ADK: variants seen among roughly 807,000 people sequenced by gnomAD.
ADK encodes adenosine kinase.
Under a neutral mutation model 44.7 loss-of-function variants are expected in ADK, and 24 were observed. The observed-to-expected ratio is 0.54, with a 90% CI of 0.39 to 0.76. The LOEUF (loss-of-function observed/expected upper bound fraction) is 0.76. Among genes scored for constraint, ADK ranks in the 30% least tolerant of loss-of-function variants. The pLI, the probability that ADK is intolerant of heterozygous loss-of-function variation, is 0.00. For synonymous variants in ADK, 128 were observed against 142.6 expected, an observed-to-expected ratio of 0.90 and a Z score of 0.73; for missense variants, 321 against 425.1, an observed-to-expected ratio of 0.76 and a Z score of 2.15.
chr10:74,222,538 G>A (rs1302731736), intron 2 of ADK, among the ~76,000 whole-genome samples: 5 of 152,110 alleles, frequency 3.3e-5, no homozygotes, highest in African/African-American at 7.2e-5. Flanking sequence ...TATAAATCAT[G>A]CTGCTATAAA....
chr10:74,699,151 T>A (rs1464096850), intron 10 of ADK, among the ~76,000 whole-genome samples: 1 of 15,848 alleles, frequency 6.3e-5, no homozygotes, highest in Admixed American at 7.1e-4. Flanking sequence ...ACCTAGCCTT[T>A]TTTTTTTTTT....
intron 3 of ADK, among the ~76,000 whole-genome samples, chr10:74,288,425 G>T (rs979322721): frequency 6.6e-6 from 1 of 152,128 alleles, no homozygotes; most frequent in Admixed American, 6.6e-5. Context: ...TGAGGCAGGC[G>T]GATCAGCTGA....
intron 6 of ADK, among the ~76,000 whole-genome samples, chr10:74,438,230 CTCTT>C (rs1845253909): frequency 1.3e-5 from 2 of 148,154 alleles, no homozygotes; most frequent in Admixed American, 1.3e-4. Flanking sequence ...GCCTCTCTCT[CTCTT>C]TTTTTTTTTT....
At chr10:74,317,246 T>A (rs2131811428) in intron 4 of ADK, among the ~76,000 whole-genome samples, 1 of 152,348 alleles carries the variant, frequency 6.6e-6, no homozygotes, top group South Asian at 2.1e-4. Context: ...TGGTCTGAAC[T>A]TCTTCCTAAT....
chr10:74,215,740 A>G (rs1591868526), intron 2 of ADK, among the ~76,000 whole-genome samples: 2 of 137,162 alleles, frequency 1.5e-5, no homozygotes, highest in Admixed American at 1.6e-4. Context: ...ATCTCGGCTC[A>G]CTGCAAGCTC....
chr10:74,403,756 G>A (rs1047518490), intron 6 of ADK, among the ~76,000 whole-genome samples: 4 of 152,132 alleles, frequency 2.6e-5, no homozygotes, highest in Admixed American at 6.5e-5. Context: ...TCCACTGTCC[G>A]ACAAGCCCCA....
intron 4 of ADK, among the ~76,000 whole-genome samples, chr10:74,363,169 C>T (rs147018826): frequency 2.0e-5 from 3 of 152,326 alleles, no homozygotes; most frequent in Admixed American, 6.5e-5. Context: ...TCAGTATCTA[C>T]TATGGATATG....
At chr10:74,154,972 A>G (rs1475282718) in intron 1 of ADK, among the ~76,000 whole-genome samples, 1 of 152,226 alleles carries the variant, frequency 6.6e-6, no homozygotes, top group Non-Finnish European at 1.5e-5. Flanking sequence ...GAAACGTTGA[A>G]TCCTGAAAGC....
intron 4 of ADK, among the ~76,000 whole-genome samples, chr10:74,389,561 A>C (rs1843267155): frequency 6.6e-6 from 1 of 151,896 alleles, no homozygotes; most frequent in South Asian, 2.1e-4. Flanking sequence ...GCTTTGAAGC[A>C]GTTAACGTGG....
At chr10:74,216,591 G>T (rs1043425006) in intron 2 of ADK, among the ~76,000 whole-genome samples, 3 of 151,824 alleles carry the variant, frequency 2.0e-5, no homozygotes, top group Admixed American at 6.6e-5. Context: ...CGGGCGTGGG[G>T]GTGCATGCCT....
chr10:74,432,704 T>A (rs1845044600), intron 6 of ADK, among the ~76,000 whole-genome samples: 1 of 152,234 alleles, frequency 6.6e-6, no homozygotes, highest in Admixed American at 6.5e-5. Context: ...TACATGTATT[T>A]GCTTTTATTT....
chr10:74,337,320 G>A (rs149927301), intron 4 of ADK, among the ~76,000 whole-genome samples: 17 of 152,338 alleles, frequency 1.1e-4, no homozygotes, highest in African/African-American at 3.6e-4. Flanking sequence ...GTGTGAGAGA[G>A]TGAGTATATT....
At chr10:74,413,809 A>C (rs1165069659) in intron 6 of ADK, among the ~76,000 whole-genome samples, 1 of 152,160 alleles carries the variant, frequency 6.6e-6, no homozygotes, top group Non-Finnish European at 1.5e-5. Context: ...AAACTCAATC[A>C]TTTCTAGCTT....
At chr10:74,367,693 T>G (rs142895773) in intron 4 of ADK, among the ~76,000 whole-genome samples, 1 of 152,238 alleles carries the variant, frequency 6.6e-6, no homozygotes, top group East Asian at 1.9e-4. Flanking sequence ...AAGGTGATGG[T>G]TTGCCTTGTT....
chr10:74,535,971 C>T lies in ADK; in HGVS notation c.726+10545C>T, dbSNP rs187414437. ...GATTATGAAAGCTATTTTTTGTTCC[C>T]TTAATTTAATCATCACTCTGATTTA... is the stretch of plus-strand genomic sequence containing the variant. On this transcript the variant is annotated intron_variant, in intron 7 of 10. Transcript: ENST00000539909. 2.4e-3 allele frequency among the ~76,000 whole-genome samples: 371 copies of T among 151,862 alleles called. 1 individual carries two copies. Among genetic ancestry groups the T allele is most frequent in the African/African-American group, 8.8e-3 (365 of 41,404 alleles).
chr10:74,607,904 A>G (rs924332469), intron 9 of ADK, among the ~76,000 whole-genome samples: 9 of 151,820 alleles, frequency 5.9e-5, no homozygotes, highest in African/African-American at 1.7e-4. Context: ...ATATAGTCCC[A>G]TATTTCTTGG....
At chr10:74,192,379 T>A (rs1228504570) in intron 1 of ADK, among the ~76,000 whole-genome samples, 1 of 151,936 alleles carries the variant, frequency 6.6e-6, no homozygotes, top group East Asian at 1.9e-4. Flanking sequence ...AGGCGCACAC[T>A]ACCACACCCA....
At chr10:74,384,612 G>T (rs1021326371) in intron 4 of ADK, among the ~76,000 whole-genome samples, 2 of 152,052 alleles carry the variant, frequency 1.3e-5, no homozygotes, top group Admixed American at 6.6e-5. Flanking sequence ...AGAGGTTTGC[G>T]GTGAGTCAAG....
At chr10:74,630,910 TTAA>T (rs906851495) in intron 9 of ADK, among the ~76,000 whole-genome samples, 7 of 141,038 alleles carry the variant, frequency 5.0e-5, no homozygotes, top group African/African-American at 2.1e-4. Context: ...TTTTTGTTTA[TTAA>T]TTTACTTATG....
Sources: allele counts gnomAD v4.1 joint callset (sites outside exome capture counted in the v4.1 genomes callset), GRCh38; gene constraint gnomAD v4.1.1; transcripts MANE v1.5; gene names NCBI Gene and HGNC (gene_info 2026-07-23, HGNC 2026-07-21).